Variants in RIMBP2 observed in about 807,000 individuals in gnomAD.
RIMBP2 encodes RIMS binding protein 2.
RIMBP2 carries 48 observed loss-of-function variants against 118.6 expected under a neutral mutation model. That is an observed-to-expected ratio of 0.40 (90% CI 0.32 to 0.51). The LOEUF (loss-of-function observed/expected upper bound fraction) is 0.51. RIMBP2 is among the 20% of genes least tolerant of loss of function. RIMBP2 has a pLI of 0.41. For synonymous variants in RIMBP2, 762 were observed against 742.9 expected (o/e 1.03, Z -0.42); for missense variants, 1,551 against 1,768.3 (o/e 0.88, Z 2.20).
intron 11 of RIMBP2, among the ~76,000 whole-genome samples, chr12:130,439,648 G>T (rs568985767): frequency 5.3e-3 from 104 of 19,598 alleles, no homozygotes; most frequent in South Asian, 0.022. Context: ...GGTGTGTGTG[G>T]GGGGGATGTG....
At chr12:130,567,801 C>G in intron 2 of RIMBP2, among the ~76,000 whole-genome samples, 1 of 152,306 alleles carries the variant, frequency 6.6e-6, no homozygotes, top group Non-Finnish European at 1.5e-5. Context: ...GGGAGCCACT[C>G]GGCATCGCCT....
At chr12:130,708,224 GGGA>G (rs1338763525) in intron 1 of RIMBP2, among the ~76,000 whole-genome samples, 4 of 152,290 alleles carry the variant, frequency 2.6e-5, no homozygotes, top group Admixed American at 2.6e-4. Context: ...TGCCAGGGCT[GGGA>G]GGAGAGGAGA....
chr12:130,434,756 T>C lies in RIMBP2; in HGVS notation c.2231A>G (p.Lys744Arg), dbSNP rs762837018. The C allele has an allele frequency of 3.1e-6, 5 of 1,613,276 alleles. No homozygotes were observed. The East Asian group carries it at 8.9e-5, about 29-fold the overall frequency. The change falls in exon 14 of 23, where the codon AAA becomes AGA. Residue 744 changes from lysine (K) to arginine (R), a missense_variant. Coordinates refer to ENST00000690449, the MANE Select transcript of RIMBP2 (RefSeq NM_001393629.1). The surrounding 1 kb of genome is among the most constrained non-coding windows in gnomAD (Gnocchi z 5.7). ...RRGASVDDFL[K>R]GSELGKQPHC... The stretch of plus-strand genomic sequence containing the variant: ...CACCTGCTTGCCAAGTTCAGAGCCT[T>C]TCAGGAAGTCGTCCACCGAGGCGCC...
chr12:130,430,731 A>G (rs2077100258), intron 14 of RIMBP2: 1 of 150,190 alleles, frequency 6.7e-6, no homozygotes, highest in African/African-American at 2.5e-5. Flanking sequence ...CCCAGGTTCA[A>G]GCAATTCTCG....
intron 2 of RIMBP2, among the ~76,000 whole-genome samples, chr12:130,626,971 A>G (rs1433463293): frequency 6.6e-6 from 1 of 151,816 alleles, no homozygotes; most frequent in Non-Finnish European, 1.5e-5. Flanking sequence ...TACCGCCAGC[A>G]TCACCATCAT....
At chr12:130,541,784 T>C (rs1170960307) in intron 2 of RIMBP2, among the ~76,000 whole-genome samples, 1 of 152,254 alleles carries the variant, frequency 6.6e-6, no homozygotes, top group African/African-American at 2.4e-5. Flanking sequence ...CGAGCCATGC[T>C]GCAGACACTG....
At position 130,634,433 on chromosome 12, in the gene RIMBP2, G is replaced by A. The variant is rs56265077; in HGVS notation, c.-351-5977C>T. Among the ~76,000 whole-genome samples, 1,411 of 152,234 alleles carry A rather than the reference G, an allele frequency of 9.3e-3. 20 individuals are homozygous for A. The highest frequency in any genetic ancestry group is 0.031 in the African/African-American group (1,281 of 41,532). On this transcript the variant is annotated intron_variant, in intron 1 of 22. Transcript: ENST00000690449. ...CACACTCCTCATCAAAGCCCTTGGA[G>A]CAAATGAACAATTAGCCTCAGGCAG... is the stretch of plus-strand genomic sequence containing the variant.
At chr12:130,693,340 G>A (rs1404980707) in intron 1 of RIMBP2, among the ~76,000 whole-genome samples, 1 of 152,238 alleles carries the variant, frequency 6.6e-6, no homozygotes, top group Non-Finnish European at 1.5e-5. Flanking sequence ...ATTGGGGAAA[G>A]TCTGGGTATA....
At chr12:130,553,573 G>A (rs1400301448) in intron 2 of RIMBP2, among the ~76,000 whole-genome samples, 2 of 152,012 alleles carry the variant, frequency 1.3e-5, no homozygotes, top group Middle Eastern at 6.3e-3. Context: ...GCAGAAACCC[G>A]TCTCTACCGA....
At chr12:130,535,652 CATATACACATATACAT>C (rs1464475109) in intron 2 of RIMBP2, among the ~76,000 whole-genome samples, 1 of 147,944 alleles carries the variant, frequency 6.8e-6, no homozygotes, top group African/African-American at 2.5e-5. Flanking sequence ...GATATACATA[CATATACACATATACAT>C]ATATACACAT....
rs146740117 is a variant in RIMBP2, at chr12:130,614,808, C to T, written c.-217+13514G>A. Among the ~76,000 whole-genome samples the T allele has an allele frequency of 4.8e-3, 721 of 151,176 alleles. 2 individuals are homozygous for T. Among genetic ancestry groups the T allele is most frequent in the African/African-American group, 0.014 (569 of 41,190 alleles). ...GTGTTGACATGAAAAATGTTCATGACGCACTTTTGAGTAAAACAAGTTATC... is the reference window on the plus strand; with the variant it reads ...GTGTTGACATGAAAAATGTTCATGATGCACTTTTGAGTAAAACAAGTTATC... On this transcript the variant is annotated intron_variant, in intron 2 of 22. Transcript: ENST00000690449.
chr12:130,406,355 C>A (rs539623915), intron 20 of RIMBP2, 112 bp from the exon 21 acceptor site: 11 of 679,328 alleles, frequency 1.6e-5, no homozygotes, highest in Admixed American at 3.0e-5. Context: ...TGGTATTAAT[C>A]TACTCTTTCA....
In RIMBP2 at chr12:130,434,902, C is replaced by T. The variant is rs1304071194; in HGVS notation, c.2107-22G>A. The stretch of plus-strand genomic sequence containing the variant: ...CTAACTTGGAAAGAAAAAGGAGGCA[C>T]ACGGGTGAGGCAGGGCCACCTTCAG... On this transcript the variant is annotated intron_variant, in intron 13 of 22. Transcript: ENST00000690449. The surrounding 1 kb of genome is among the most constrained non-coding windows in gnomAD (Gnocchi z 5.7). 5 of 1,592,282 alleles carry T rather than the reference C, an allele frequency of 3.1e-6. No individual in the cohort carries two copies. Among genetic ancestry groups the T allele is most frequent in the African/African-American group, 2.7e-5 (2 of 74,284 alleles).
At chr12:130,400,374 C>T (rs1267317458) in intron 21 of RIMBP2, among the ~76,000 whole-genome samples, 1 of 152,178 alleles carries the variant, frequency 6.6e-6, no homozygotes, top group African/African-American at 2.4e-5. Context: ...TGTTGATAAC[C>T]TCCTCAGACA....
intron 1 of RIMBP2, among the ~76,000 whole-genome samples, chr12:130,697,533 CATA>C (rs916749917): frequency 6.6e-6 from 1 of 152,144 alleles, no homozygotes; most frequent in Non-Finnish European, 1.5e-5. Context: ...TTAAAAAAAT[CATA>C]ATAATTGTGG....
chr12:130,420,011 C>T lies in RIMBP2; in HGVS notation c.3238+2442G>A, dbSNP rs1456801503. Among the ~76,000 whole-genome samples the T allele has an allele frequency of 6.6e-6, 1 of 152,148 alleles. No individual in the cohort carries two copies. Among genetic ancestry groups the T allele is most frequent in the Non-Finnish European group, 1.5e-5 (1 of 68,032 alleles). On this transcript the variant is annotated intron_variant, in intron 17 of 22. Transcript: ENST00000690449. The surrounding 1 kb of genome is among the most constrained non-coding windows in gnomAD (Gnocchi z 4.3). ...TTAAAAATAGGAAGTGTATGGTTTA[C>T]AGACTTAATTTCCTCTGAAAAAGAT...
rs760371468 is a variant in RIMBP2 at position 130,511,653 on chromosome 12, C to T, written c.-126-4883G>A. ...TGGAGTATGCGCCATCTCTCTCCTG[C>T]TGGGACCAGACTGAGACCGTCTGTG... is the stretch of plus-strand genomic sequence containing the variant. On this transcript the variant is annotated intron_variant, in intron 3 of 22. Transcript: ENST00000690449. The surrounding 1 kb of genome is among the most constrained non-coding windows in gnomAD (Gnocchi z 4.3). Among the ~76,000 whole-genome samples, 11 of 152,236 alleles carry T rather than the reference C, an allele frequency of 7.2e-5. No homozygotes were observed. The highest frequency in any genetic ancestry group is 2.0e-4 in the Admixed American group (3 of 15,284).
Position 130,434,664 on chromosome 12 carries a change from T to G in RIMBP2, c.2253+70A>C. The G allele has an allele frequency of 4.0e-6, 6 of 1,498,080 alleles. No homozygotes were observed. The highest frequency in any genetic ancestry group is 1.3e-5 in the South Asian group (1 of 78,024). 92.8% of individuals were successfully genotyped at this position (1,498,080 alleles called of 1,614,324 possible). ...TAGCGGGGAAAGTGCCCATGTCTCT[T>G]GATCTCCACGGGGCCCGCTCCGAGC... On this transcript the variant is annotated intron_variant, in intron 14 of 22. Transcript: ENST00000690449. This position sits in a 1 kb window ranked among gnomAD's most constrained non-coding sequence, Gnocchi z 5.7.
At chr12:130,592,709 A>C (rs183077804) in intron 2 of RIMBP2, among the ~76,000 whole-genome samples, 91 of 148,288 alleles carry the variant, frequency 6.1e-4, no homozygotes, top group Admixed American at 2.2e-3. Context: ...TGCATTGCCC[A>C]GCAGGCAGTT....
Sources: allele counts gnomAD v4.1 joint callset (sites outside exome capture counted in the v4.1 genomes callset), GRCh38; gene constraint gnomAD v4.1.1; non-coding constraint Gnocchi (gnomAD v3.1); transcripts MANE v1.5; gene names NCBI Gene and HGNC (gene_info 2026-07-23, HGNC 2026-07-21).